DOCK2: variants seen among roughly 807,000 people sequenced by gnomAD.
DOCK2 encodes dedicator of cytokinesis protein 2.
A neutral mutation model predicts 248.9 loss-of-function variants in DOCK2; 87 were observed. The ratio of observed to expected loss-of-function variants is 0.35; its 90% confidence interval spans 0.29 to 0.42. DOCK2 has a LOEUF of 0.42. Ranked by LOEUF, DOCK2 falls within the 10% of genes least tolerant of loss-of-function variation. The pLI, the probability that DOCK2 is intolerant of heterozygous loss-of-function variation, is 1.00. For synonymous variants in DOCK2, 805 were observed against 821.6 expected, an observed-to-expected ratio of 0.98 and a Z score of 0.35; for missense variants, 1,747 against 2,300.2, an observed-to-expected ratio of 0.76 and a Z score of 4.92.
intron 33 of DOCK2, among the ~76,000 whole-genome samples, chr5:170,022,618 G>A (rs1755768945): frequency 6.6e-6 from 1 of 152,122 alleles, no homozygotes; most frequent in Admixed American, 6.5e-5. Flanking sequence ...GGCCTTAGGT[G>A]GACCCCATTG....
intron 27 of DOCK2, chr5:169,883,239 A>G (rs1347873674): frequency 6.4e-7 from 1 of 1,551,594 alleles, no homozygotes; most frequent in Admixed American, 2.0e-5. Context: ...CTGGGCTGAG[A>G]GCAGACTCTC....
At chr5:169,696,827 T>G (rs541553091) in intron 10 of DOCK2, among the ~76,000 whole-genome samples, 6 of 151,812 alleles carry the variant, frequency 4.0e-5, no homozygotes, top group African/African-American at 9.7e-5. Context: ...CTCACTGTTT[T>G]TTTTTTTTTT....
chr5:169,810,983 T>TCACACACACA (rs781388716), intron 26 of DOCK2, among the ~76,000 whole-genome samples: 5 of 84,918 alleles, frequency 5.9e-5, no homozygotes, highest in Admixed American at 1.3e-4. Flanking sequence ...TCTCTCTCTC[T>TCACACACACA]CTCTCTCACA....
intron 41 of DOCK2, among the ~76,000 whole-genome samples, chr5:170,053,035 G>A (rs893188874): frequency 7.2e-5 from 11 of 152,226 alleles, no homozygotes; most frequent in African/African-American, 2.7e-4. Context: ...TATCCAAGTA[G>A]GAAATGATAA....
At chr5:169,742,247 G>A (rs565127677) in intron 22 of DOCK2, among the ~76,000 whole-genome samples, 2 of 152,202 alleles carry the variant, frequency 1.3e-5, no homozygotes, top group Non-Finnish European at 2.9e-5. Flanking sequence ...GTATCCGGAA[G>A]AAAAACTGTA....
At chr5:169,647,553 C>T (rs971021184) in intron 1 of DOCK2, among the ~76,000 whole-genome samples, 9 of 152,124 alleles carry the variant, frequency 5.9e-5, no homozygotes, top group Non-Finnish European at 1.2e-4. Flanking sequence ...CTCTTGAACT[C>T]GTCTCCAAAC....
intron 27 of DOCK2, among the ~76,000 whole-genome samples, chr5:169,896,709 A>C (rs1561804673): frequency 6.6e-6 from 1 of 152,134 alleles, no homozygotes; most frequent in African/African-American, 2.4e-5. Flanking sequence ...TCTATCACTC[A>C]CTAGTCGCCA....
intron 30 of DOCK2, among the ~76,000 whole-genome samples, chr5:170,008,247 TCTC>T (rs1390755194): frequency 1.3e-5 from 2 of 150,476 alleles, no homozygotes; most frequent in African/African-American, 4.9e-5. Context: ...AACCTAAAAT[TCTC>T]CTCCTCTCCC....
At chr5:169,884,004 C>A (rs1772826382) in intron 27 of DOCK2, 2 of 1,157,350 alleles carry the variant, frequency 1.7e-6, no homozygotes, top group Admixed American at 6.2e-5. Flanking sequence ...TAGAGAACTG[C>A]TGGCCAGGAT....
At chr5:169,925,363 C>T (rs968725947) in intron 27 of DOCK2, among the ~76,000 whole-genome samples, 11 of 152,204 alleles carry the variant, frequency 7.2e-5, no homozygotes, top group African/African-American at 2.6e-4. Context: ...GGGCAGATCA[C>T]AAGGTCAGGC....
At chr5:169,798,503 A>T (rs570424761) in intron 25 of DOCK2, among the ~76,000 whole-genome samples, 1 of 152,314 alleles carries the variant, frequency 6.6e-6, no homozygotes, top group East Asian at 1.9e-4. Flanking sequence ...TATCTTAGTA[A>T]TGGGATTTAT....
At chr5:169,921,226 C>T (rs544408947) in intron 27 of DOCK2, among the ~76,000 whole-genome samples, 19 of 152,212 alleles carry the variant, frequency 1.2e-4, no homozygotes, top group African/African-American at 3.4e-4. Flanking sequence ...GAACTAAGTC[C>T]GTATTCCTCC....
intron 26 of DOCK2, among the ~76,000 whole-genome samples, chr5:169,820,798 G>T (rs1178614920): frequency 6.6e-6 from 1 of 152,212 alleles, no homozygotes; most frequent in Non-Finnish European, 1.5e-5. Flanking sequence ...AGAGAAGAAG[G>T]CTTCAGACGA....
intron 33 of DOCK2, among the ~76,000 whole-genome samples, chr5:170,025,919 T>A (rs1450681545): frequency 6.6e-6 from 1 of 151,666 alleles, no homozygotes; most frequent in Non-Finnish European, 1.5e-5. Context: ...TCTTCATTTT[T>A]CTCCACGTTC....
chr5:170,042,160 G>T (rs200419946), intron 38 of DOCK2, 28 bp downstream of exon 38: 1 of 1,585,498 alleles, frequency 6.3e-7, no homozygotes, highest in East Asian at 2.3e-5. Flanking sequence ...ACCCCCCGTG[G>T]GGACCCTGGC....
intron 25 of DOCK2, among the ~76,000 whole-genome samples, chr5:169,765,750 CAG>C (rs1477787356): frequency 6.6e-6 from 1 of 152,056 alleles, no homozygotes; most frequent in Non-Finnish European, 1.5e-5. Context: ...AGACACCTGA[CAG>C]AGATTTGGAA....
At chr5:169,809,698 C>T (rs569156859) in intron 26 of DOCK2, among the ~76,000 whole-genome samples, 4 of 152,200 alleles carry the variant, frequency 2.6e-5, no homozygotes, top group South Asian at 2.1e-4. Context: ...GCAGAGTTTA[C>T]GCTTTCAGCT....
chr5:170,064,846 G>A (rs1165075573), intron 44 of DOCK2, among the ~76,000 whole-genome samples: 3 of 152,112 alleles, frequency 2.0e-5, no homozygotes, highest in Non-Finnish European at 4.4e-5. Flanking sequence ...CATTAGACCT[G>A]CCTTATAAGA....
At chr5:170,045,243 G>A (rs554526627) in intron 38 of DOCK2, among the ~76,000 whole-genome samples, 3 of 152,236 alleles carry the variant, frequency 2.0e-5, no homozygotes, top group South Asian at 2.1e-4. Flanking sequence ...ACTGGGGCCT[G>A]GTCCCAACTT....
Sources: allele counts gnomAD v4.1 joint callset (sites outside exome capture counted in the v4.1 genomes callset), GRCh38; gene constraint gnomAD v4.1.1; transcripts MANE v1.5; gene names NCBI Gene and HGNC (gene_info 2026-07-23, HGNC 2026-07-21).